The following CSMD1 variants were observed in gnomAD, a reference collection of about 807,000 sequenced individuals.
CSMD1 encodes the protein CUB and sushi domain-containing protein 1.
Under a neutral mutation model 417.5 loss-of-function variants are expected in CSMD1, and 213 were observed. That is an observed-to-expected ratio of 0.51 (90% confidence interval 0.46 to 0.57). The LOEUF (loss-of-function observed/expected upper bound fraction) is 0.57. Ranked by LOEUF, CSMD1 falls within the 20% of genes least tolerant of loss-of-function variation. The pLI is 0.00. For missense variants in CSMD1, 6,923 were observed against 4,529.7 expected (o/e 1.53, Z -15.17); for synonymous variants, 2,862 against 1,736.8 (o/e 1.65, Z -16.11).
chr8:4,873,902 AAAG>A (rs1802882838), intron 1 of CSMD1, among the ~76,000 whole-genome samples: 1 of 152,148 alleles, frequency 6.6e-6, no homozygotes, highest in Admixed American at 6.5e-5. Flanking sequence ...AGGCAATTAG[AAAG>A]AAGAAAGGAA....
chr8:3,684,448 C>T (rs967775267), intron 7 of CSMD1, among the ~76,000 whole-genome samples: 1 of 149,864 alleles, frequency 6.7e-6, no homozygotes, highest in Non-Finnish European at 1.5e-5. Flanking sequence ...TAGTACTTAA[C>T]AATTTTATTT....
chr8:4,028,616 G>T (rs534757962), intron 4 of CSMD1, among the ~76,000 whole-genome samples: 1 of 152,170 alleles, frequency 6.6e-6, no homozygotes, highest in Non-Finnish European at 1.5e-5. Context: ...CTGTAAATTG[G>T]CATGCTTACA....
chr8:3,275,567 A>G (rs150976441), intron 26 of CSMD1, among the ~76,000 whole-genome samples: 44 of 152,320 alleles, frequency 2.9e-4, no homozygotes, highest in African/African-American at 1.0e-3. Flanking sequence ...CAGGTACGAC[A>G]ATCAGACGTA....
At chr8:3,623,688 C>G (rs1050209774) in intron 7 of CSMD1, among the ~76,000 whole-genome samples, 4 of 152,076 alleles carry the variant, frequency 2.6e-5, no homozygotes, top group African/African-American at 9.7e-5. Flanking sequence ...AATGAGCTGA[C>G]TCCAGGGCCG....
At chr8:4,647,730 C>A (rs1259712516) in intron 1 of CSMD1, among the ~76,000 whole-genome samples, 1 of 152,174 alleles carries the variant, frequency 6.6e-6, no homozygotes, top group Non-Finnish European at 1.5e-5. Context: ...CATGTCCCTG[C>A]AAAGGACATG....
chr8:3,912,740 G>A (rs1193862409), intron 5 of CSMD1, among the ~76,000 whole-genome samples: 2 of 152,152 alleles, frequency 1.3e-5, no homozygotes, highest in African/African-American at 2.4e-5. Context: ...AGCCTGAAGA[G>A]GCAGACTGCA....
At chr8:4,529,157 T>C (rs531865710) in intron 2 of CSMD1, among the ~76,000 whole-genome samples, 1 of 152,238 alleles carries the variant, frequency 6.6e-6, no homozygotes, top group African/African-American at 2.4e-5. Flanking sequence ...CAGGGACCCT[T>C]TGGGGGATCC....
At chr8:4,600,898 T>C (rs1271045962) in intron 2 of CSMD1, among the ~76,000 whole-genome samples, 5 of 151,878 alleles carry the variant, frequency 3.3e-5, no homozygotes, top group Non-Finnish European at 7.4e-5. Context: ...TTGAGGAAGC[T>C]AAGAAAAATA....
chr8:4,151,049 A>G (rs1714727), intron 3 of CSMD1, among the ~76,000 whole-genome samples: 36,969 of 152,126 alleles, frequency 0.24, 5,424 homozygotes, highest in East Asian at 0.42. Context: ...AAAACGGTTG[A>G]GGAGCCTACA....
At chr8:4,617,930 T>A (rs1297436648) in intron 2 of CSMD1, among the ~76,000 whole-genome samples, 2 of 152,156 alleles carry the variant, frequency 1.3e-5, no homozygotes, top group African/African-American at 4.8e-5. Context: ...ATAACACTTG[T>A]TAATTAACTT....
At chr8:4,686,313 T>C (rs1479679487) in intron 1 of CSMD1, among the ~76,000 whole-genome samples, 1 of 152,194 alleles carries the variant, frequency 6.6e-6, no homozygotes, top group East Asian at 1.9e-4. Flanking sequence ...TATGCAATCA[T>C]GCCATTCCTG....
intron 7 of CSMD1, among the ~76,000 whole-genome samples, chr8:3,665,889 T>C (rs1304379443): frequency 6.6e-6 from 1 of 152,050 alleles, no homozygotes; most frequent in African/African-American, 2.4e-5. Flanking sequence ...TGTTGTTTTG[T>C]TTTTTTGAGA....
intron 2 of CSMD1, among the ~76,000 whole-genome samples, chr8:4,585,303 A>G (rs1275239204): frequency 6.6e-6 from 1 of 152,212 alleles, no homozygotes; most frequent in Non-Finnish European, 1.5e-5. Context: ...GAAATTAAAA[A>G]TTAAGCTAAT....
In CSMD1 at chr8:4,444,512, G is replaced by C. The variant is rs185394463; in HGVS notation, c.303-24447C>G. 8.5e-5 allele frequency among the ~76,000 whole-genome samples: 13 copies of C among 152,160 alleles called. No homozygotes were observed. The East Asian group carries it at 1.9e-3, about 23-fold the overall frequency. On this transcript the variant is annotated intron_variant, in intron 2 of 69. Coordinates refer to ENST00000635120, the MANE Select transcript of CSMD1 (RefSeq NM_033225.6). ...AATTAGGATATATTTTGACAGACAAGTTTTTTTAGCCACGGAGAACAATAA... is the reference window on the plus strand; with the variant it reads ...AATTAGGATATATTTTGACAGACAACTTTTTTTAGCCACGGAGAACAATAA...
intron 2 of CSMD1, among the ~76,000 whole-genome samples, chr8:4,596,251 A>C (rs930661473): frequency 5.3e-5 from 8 of 152,224 alleles, no homozygotes; most frequent in Non-Finnish European, 1.0e-4. Flanking sequence ...ACAGTATATT[A>C]ACTATTGTTA....
At chr8:4,098,613 T>C (rs983303911) in intron 3 of CSMD1, among the ~76,000 whole-genome samples, 7 of 152,212 alleles carry the variant, frequency 4.6e-5, no homozygotes, top group Admixed American at 4.6e-4. Flanking sequence ...TTCAAATAAG[T>C]GAAGGTAGTG....
intron 3 of CSMD1, among the ~76,000 whole-genome samples, chr8:4,297,711 G>C (rs940987261): frequency 6.6e-6 from 1 of 152,038 alleles, no homozygotes; most frequent in African/African-American, 2.4e-5. Flanking sequence ...ATCGGTGATC[G>C]CCTCTGTGTT....
At chr8:3,411,411 G>A (rs62505567) in intron 12 of CSMD1, among the ~76,000 whole-genome samples, 8,243 of 151,880 alleles carry the variant, frequency 0.054, 266 homozygotes, top group Middle Eastern at 0.1. Context: ...AGTATATGCT[G>A]CGTTCATTTT....
chr8:3,923,710 A>G (rs1809444258), intron 5 of CSMD1, among the ~76,000 whole-genome samples: 1 of 152,220 alleles, frequency 6.6e-6, no homozygotes, highest in Non-Finnish European at 1.5e-5. Flanking sequence ...ATAAATCTCT[A>G]GTTCTTATGC....
Sources: allele counts gnomAD v4.1 joint callset (sites outside exome capture counted in the v4.1 genomes callset), GRCh38; gene constraint gnomAD v4.1.1; transcripts MANE v1.5; gene names NCBI Gene and HGNC (gene_info 2026-07-23, HGNC 2026-07-21).